SERPINB12: variants seen among roughly 807,000 people sequenced by gnomAD.
SERPINB12 encodes serpin B12.
SERPINB12 carries 57 observed loss-of-function variants against 41.1 expected under a neutral mutation model. That is an observed-to-expected ratio of 1.39 (90% CI 1.12 to 1.73). SERPINB12 has a LOEUF of 1.73. SERPINB12 is among the 40% of genes most tolerant of loss of function. The pLI, the probability that SERPINB12 is intolerant of heterozygous loss-of-function variation, is 0.00. For synonymous variants in SERPINB12, 180 were observed against 181.3 expected (o/e 0.99, Z 0.06); for missense variants, 536 against 501.9 (o/e 1.07, Z -0.65).
intron 1 of SERPINB12, among the ~76,000 whole-genome samples, chr18:63,543,766 G>T (rs528929010): frequency 7.9e-5 from 12 of 151,778 alleles, no homozygotes; most frequent in African/African-American, 2.9e-4. Flanking sequence ...ACAGGCGTGC[G>T]CCACGACACC....
Position 63,565,505 on chromosome 18 carries a change from G to A in SERPINB12, c.766G>A (p.Glu256Lys), listed in dbSNP as rs185322709. Reference protein sequence around the residue: ...QKGLYRIGFIEEVKAQILEMR... With the variant: ...QKGLYRIGFIKEVKAQILEMR... The stretch of plus-strand genomic sequence containing the variant: ...AGGCCTCTACAGAATTGGCTTCATA[G>A]AGGAGGTGAAGGCACAGATCCTGGA... The change falls in exon 7 of 8, where the codon GAG becomes AAG. Residue 256 changes from glutamate (E) to lysine (K), a missense_variant. By Grantham distance (56) the Glu-to-Lys change is moderately conservative. Coordinates refer to ENST00000382768, the MANE Select transcript of SERPINB12 (RefSeq NM_001307928.2). The A allele has an allele frequency of 3.7e-5, 59 of 1,614,092 alleles. No homozygotes were observed. The highest frequency in any genetic ancestry group is 2.5e-6 in the Non-Finnish European group (3 of 1,179,972).
upstream of SERPINB12, among the ~76,000 whole-genome samples, chr18:63,541,549 T>C (rs1910273282): frequency 6.6e-6 from 1 of 152,216 alleles, no homozygotes; most frequent in African/African-American, 2.4e-5. Flanking sequence ...AAGCATGCAT[T>C]ATTTTTCTTA....
intron 1 of SERPINB12, among the ~76,000 whole-genome samples, chr18:63,543,921 T>C (rs928372382): frequency 1.3e-5 from 2 of 152,184 alleles, no homozygotes; most frequent in Admixed American, 6.5e-5. Flanking sequence ...CCGGGCAAAA[T>C]GTACATTTTA....
At chr18:63,555,511 G>A (rs1364569672) in intron 1 of SERPINB12, among the ~76,000 whole-genome samples, 1 of 152,162 alleles carries the variant, frequency 6.6e-6, no homozygotes, top group Non-Finnish European at 1.5e-5. Context: ...TAAAAATATA[G>A]TTTAAGTCCT....
chr18:63,549,198 C>T (rs929975905), intron 1 of SERPINB12, among the ~76,000 whole-genome samples: 23 of 152,034 alleles, frequency 1.5e-4, no homozygotes, highest in Non-Finnish European at 2.9e-5. Flanking sequence ...CACATCAATG[C>T]AGTGATTGAG....
At chr18:63,557,979 T>A (rs1910734171) in intron 2 of SERPINB12, among the ~76,000 whole-genome samples, 1 of 152,218 alleles carries the variant, frequency 6.6e-6, no homozygotes, top group Admixed American at 6.5e-5. Flanking sequence ...ATATAAGAAT[T>A]TTAATGAGCT....
rs552649358 is a variant in SERPINB12 at position 63,558,423 on chromosome 18, A to C, written c.240A>C (p.Gln80His). The C allele has an allele frequency of 3.6e-5, 58 of 1,614,000 alleles. No homozygotes were observed. In the East Asian group the frequency reaches 1.2e-3, roughly 34 times the overall value. Residue 80 changes from glutamine to histidine, a missense_variant, in exon 3 of 8, where the codon CAA (glutamine) becomes CAC (histidine). Physicochemically the swap from Gln to His is conservative, Grantham distance 24. Transcript: ENST00000382768. ...ACCCTTGTCTGAAAAGCAACAAACA[A>C]AAAGTGCTGGCTGACAGCTCTCTGG... ...EPDPCLKSNK[Q>H]KVLADSSLEG...
rs1011384440 is a variant in SERPINB12, at chr18:63,568,337, C to T, written c.*1326C>T. Among the ~76,000 whole-genome samples the T allele has an allele frequency of 1.3e-5, 2 of 152,082 alleles. No individual in the cohort carries two copies. The highest frequency in any genetic ancestry group is 6.6e-5 in the Admixed American group (1 of 15,260). On this transcript the variant is annotated 3_prime_UTR_variant, in exon 8 of 8. Transcript: ENST00000382768. ...TGGAGGCTGCAGTAAGCTGAGATGGCGCCACTGCACTCCAGCCTGGGTGAC... is the reference window on the plus strand; with the variant it reads ...TGGAGGCTGCAGTAAGCTGAGATGGTGCCACTGCACTCCAGCCTGGGTGAC...
At chr18:63,553,632 T>TCTC (rs1207320056) in intron 1 of SERPINB12, among the ~76,000 whole-genome samples, 1 of 152,152 alleles carries the variant, frequency 6.6e-6, no homozygotes, top group African/African-American at 2.4e-5. Context: ...CCCTTTACCT[T>TCTC]CTCCTCCTTC....
chr18:63,535,842 T>C, the SERPINB12 span, among the ~76,000 whole-genome samples: 10 of 152,186 alleles, frequency 6.6e-5, no homozygotes, highest in African/African-American at 2.2e-4. Context: ...TATATAAATA[T>C]ACACACACAC....
At chr18:63,559,423 C>T (rs982827815) in intron 3 of SERPINB12, among the ~76,000 whole-genome samples, 155 bp from the exon 4 acceptor site, 1 of 152,158 alleles carries the variant, frequency 6.6e-6, no homozygotes, top group Non-Finnish European at 1.5e-5. Flanking sequence ...TTCCTCTGTT[C>T]TTCCCAGCTC....
chr18:63,528,798 G>T, the SERPINB12 span, among the ~76,000 whole-genome samples: 1 of 152,148 alleles, frequency 6.6e-6, no homozygotes, highest in Non-Finnish European at 1.5e-5. Context: ...AAGGACACTT[G>T]TCTTTATATC....
At chr18:63,528,082 G>GA in the SERPINB12 span, among the ~76,000 whole-genome samples, 1 of 152,004 alleles carries the variant, frequency 6.6e-6, no homozygotes, top group Non-Finnish European at 1.5e-5. Flanking sequence ...CAGCCACATG[G>GA]AATTTTAAGT....
chr18:63,541,991 A>G (rs1341782191), upstream of SERPINB12, among the ~76,000 whole-genome samples: 1 of 152,154 alleles, frequency 6.6e-6, no homozygotes, highest in African/African-American at 2.4e-5. Flanking sequence ...AATTTATTTG[A>G]TGGTGTGCAT....
Position 63,568,410 on chromosome 18 carries a change from G to T in SERPINB12, c.*1399G>T, listed in dbSNP as rs1244928332. 6.6e-6 allele frequency among the ~76,000 whole-genome samples: 1 copy of T among 151,906 alleles called. No individual in the cohort carries two copies. The highest frequency in any genetic ancestry group is 1.5e-5 in the Non-Finnish European group (1 of 67,940). ...AACAAACAAACAAAAAACCCAAAAAGCCAAAACAAAACCTGAAACCCTTGT... is the reference window on the plus strand; with the variant it reads ...AACAAACAAACAAAAAACCCAAAAATCCAAAACAAAACCTGAAACCCTTGT... On this transcript the variant is annotated 3_prime_UTR_variant, in exon 8 of 8. Transcript: ENST00000382768.
chr18:63,529,020 C>G, the SERPINB12 span, among the ~76,000 whole-genome samples: 1 of 152,172 alleles, frequency 6.6e-6, no homozygotes, highest in Admixed American at 6.5e-5. Context: ...GGACCACACT[C>G]AGTTCCAGGG....
At chr18:63,563,872 G>T in intron 5 of SERPINB12, 106 bp from the exon 6 acceptor site, 1 of 1,087,532 alleles carries the variant, frequency 9.2e-7, no homozygotes, top group African/African-American at 1.6e-5. Flanking sequence ...CTCCAGCCTG[G>T]GAGACAAGAG....
At chr18:63,553,943 T>C (rs1910595822) in intron 1 of SERPINB12, among the ~76,000 whole-genome samples, 1 of 152,150 alleles carries the variant, frequency 6.6e-6, no homozygotes, top group African/African-American at 2.4e-5. Context: ...GGACATCCAT[T>C]ACTCAAAAAA....
the SERPINB12 span, among the ~76,000 whole-genome samples, chr18:63,522,216 G>A: frequency 6.6e-6 from 1 of 152,200 alleles, no homozygotes. Flanking sequence ...AATCAAGGCA[G>A]ACTTCAGACT....
Sources: allele counts gnomAD v4.1 joint callset (sites outside exome capture counted in the v4.1 genomes callset), GRCh38; gene constraint gnomAD v4.1.1; transcripts MANE v1.5; gene names NCBI Gene and HGNC (gene_info 2026-07-23, HGNC 2026-07-21).